The following SLCO6A1 variants were observed in gnomAD, a reference collection of about 807,000 sequenced individuals.
SLCO6A1 encodes solute carrier organic anion transporter family member 6A1.
A neutral mutation model predicts 72.7 loss-of-function variants in SLCO6A1; 65 were observed. The ratio of observed to expected loss-of-function variants is 0.89; its 90% CI spans 0.73 to 1.10. The LOEUF (loss-of-function observed/expected upper bound fraction) is 1.10. SLCO6A1 is among the 50% of genes least tolerant of loss of function. The pLI is 0.00. For missense variants in SLCO6A1, 874 were observed against 872.6 expected (o/e 1.00, Z -0.02); for synonymous variants, 314 against 298.2 (o/e 1.05, Z -0.55).
chr5:102,489,297 C>T (rs933986678), intron 1 of SLCO6A1, among the ~76,000 whole-genome samples: 3 of 152,138 alleles, frequency 2.0e-5, no homozygotes, highest in Non-Finnish European at 4.4e-5. Context: ...ACATCGCATA[C>T]GTTACCCTCA....
intron 4 of SLCO6A1, among the ~76,000 whole-genome samples, chr5:102,461,609 T>C (rs1056824682): frequency 7.9e-5 from 12 of 152,080 alleles, no homozygotes; most frequent in Admixed American, 7.2e-4. Flanking sequence ...AAGAAGGAAA[T>C]CTATGGATAC....
At chr5:102,489,908 C>T (rs1752599100) in intron 1 of SLCO6A1, among the ~76,000 whole-genome samples, 1 of 152,086 alleles carries the variant, frequency 6.6e-6, no homozygotes, top group African/African-American at 2.4e-5. Flanking sequence ...GAATATTGTT[C>T]ATCCATAAAA....
At chr5:102,388,187 G>A (rs954336118) in intron 12 of SLCO6A1, among the ~76,000 whole-genome samples, 1 of 152,042 alleles carries the variant, frequency 6.6e-6, no homozygotes, top group African/African-American at 2.4e-5. Flanking sequence ...ATGTACCTGG[G>A]CAAAATTATT....
chr5:102,435,240 C>T (rs1220465175), intron 7 of SLCO6A1, among the ~76,000 whole-genome samples: 1 of 152,130 alleles, frequency 6.6e-6, no homozygotes, highest in Non-Finnish European at 1.5e-5. Context: ...TCTCATCATT[C>T]CTGAAAAGAA....
At chr5:102,476,943 G>A (rs1751930600) in intron 3 of SLCO6A1, among the ~76,000 whole-genome samples, 1 of 151,910 alleles carries the variant, frequency 6.6e-6, no homozygotes, top group South Asian at 2.1e-4. Context: ...TGCAATATAA[G>A]ACAGTACAGG....
At chr5:102,394,072 C>G (rs1219460590) in intron 10 of SLCO6A1, among the ~76,000 whole-genome samples, 2 of 152,100 alleles carry the variant, frequency 1.3e-5, no homozygotes, top group African/African-American at 4.8e-5. Context: ...TTGGCAAGTA[C>G]CTCAGGGGCA....
intron 10 of SLCO6A1, among the ~76,000 whole-genome samples, chr5:102,393,861 TAC>T (rs1440895619): frequency 6.6e-6 from 1 of 152,176 alleles, no homozygotes; most frequent in Admixed American, 6.6e-5. Flanking sequence ...GATGGAAAGA[TAC>T]AGATACATCA....
chr5:102,478,176 G>T (rs1419353012), intron 2 of SLCO6A1, among the ~76,000 whole-genome samples: 2 of 152,026 alleles, frequency 1.3e-5, no homozygotes, highest in East Asian at 1.9e-4. Context: ...TAAAAAAAAG[G>T]AAGAAATTGT....
At chr5:102,378,585 C>A (rs1219420309) in intron 12 of SLCO6A1, among the ~76,000 whole-genome samples, 1 of 146,228 alleles carries the variant, frequency 6.8e-6, no homozygotes, top group Non-Finnish European at 1.5e-5. Flanking sequence ...ATTTATATAG[C>A]AAACCAAAAT....
Position 102,423,350 on chromosome 5 carries a change from C to T in SLCO6A1, c.1277-3329G>A, listed in dbSNP as rs193159098. 2.1e-3 allele frequency among the ~76,000 whole-genome samples: 315 copies of T among 152,178 alleles called. 3 individuals carry two copies. Among genetic ancestry groups the T allele is most frequent in the African/African-American group, 7.2e-3 (299 of 41,524 alleles). On this transcript the variant is annotated intron_variant, in intron 7 of 13. Coordinates refer to ENST00000506729, the MANE Select transcript of SLCO6A1 (RefSeq NM_173488.5). ...TGGCAAATTGGAAAAACAGTCAAGA[C>T]CCTTCACTGTGCTGTATTCAGGAGA...
intron 7 of SLCO6A1, among the ~76,000 whole-genome samples, chr5:102,437,915 A>G (rs1402501243): frequency 6.6e-6 from 1 of 152,136 alleles, no homozygotes. Context: ...TAATGCTAAA[A>G]CTTTAAAACA....
chr5:102,395,003 A>T (rs780464661), intron 10 of SLCO6A1, among the ~76,000 whole-genome samples: 5 of 152,058 alleles, frequency 3.3e-5, no homozygotes, highest in African/African-American at 1.2e-4. Context: ...CTATTTGTTT[A>T]TAAGTCACTA....
intron 1 of SLCO6A1, among the ~76,000 whole-genome samples, chr5:102,483,328 G>T (rs1035937367): frequency 3.3e-5 from 5 of 152,140 alleles, no homozygotes; most frequent in African/African-American, 9.7e-5. Flanking sequence ...TCCACGGGGA[G>T]AATTTCCTTT....
chr5:102,442,781 G>A (rs1749908098), intron 6 of SLCO6A1, among the ~76,000 whole-genome samples: 2 of 152,148 alleles, frequency 1.3e-5, no homozygotes, highest in Admixed American at 6.6e-5. Flanking sequence ...ATGAGACAAC[G>A]GGTTGCGCGC....
chr5:102,406,144 T>A (rs1445837529), intron 9 of SLCO6A1, among the ~76,000 whole-genome samples: 1 of 151,912 alleles, frequency 6.6e-6, no homozygotes, highest in Non-Finnish European at 1.5e-5. Context: ...GATAACTCTA[T>A]TAAATGTAAA....
Position 102,375,973 on chromosome 5 carries a change from A to G in SLCO6A1, c.2018-2479T>C, listed in dbSNP as rs77872811. Among the ~76,000 whole-genome samples, 1,239 of 152,286 alleles carry G rather than the reference A, an allele frequency of 8.1e-3. 12 individuals are homozygous for G. Among genetic ancestry groups the G allele is most frequent in the Non-Finnish European group, 0.015 (1,008 of 68,018 alleles). On this transcript the variant is annotated intron_variant, in intron 12 of 13. Coordinates refer to ENST00000506729, the MANE Select transcript of SLCO6A1 (RefSeq NM_173488.5). ...AGAGGGAAAAAAAGCAATGATACAC[A>G]GAAAACCATACTTAGGCACATTGTA...
At chr5:102,431,617 C>A (rs1231589026) in intron 7 of SLCO6A1, among the ~76,000 whole-genome samples, 3 of 152,030 alleles carry the variant, frequency 2.0e-5, no homozygotes, top group Non-Finnish European at 4.4e-5. Context: ...GATTTCAGTT[C>A]TTTTACATTT....
chr5:102,473,782 G>A (rs772492308), intron 4 of SLCO6A1, among the ~76,000 whole-genome samples: 3 of 151,962 alleles, frequency 2.0e-5, no homozygotes, highest in Non-Finnish European at 4.4e-5. Context: ...AATGAATTTA[G>A]TAAAGTTGCA....
At chr5:102,385,648 AT>A (rs1158841547) in intron 12 of SLCO6A1, among the ~76,000 whole-genome samples, 3 of 151,802 alleles carry the variant, frequency 2.0e-5, no homozygotes, top group African/African-American at 7.3e-5. Flanking sequence ...TCTAAAATTT[AT>A]TTCTTTTTTA....
Sources: allele counts gnomAD v4.1 joint callset (sites outside exome capture counted in the v4.1 genomes callset), GRCh38; gene constraint gnomAD v4.1.1; transcripts MANE v1.5; gene names NCBI Gene and HGNC (gene_info 2026-07-23, HGNC 2026-07-21).